Variants in DCC observed in about 807,000 individuals in gnomAD.
DCC encodes the protein netrin receptor DCC.
A neutral mutation model predicts 172.5 loss-of-function variants in DCC; 58 were observed. The ratio of observed to expected loss-of-function variants is 0.34; its 90% confidence interval spans 0.27 to 0.42. DCC has a LOEUF of 0.42. Ranked by LOEUF, DCC falls within the 10% of genes least tolerant of loss-of-function variation. The pLI is 1.00. For synonymous variants in DCC, 709 were observed against 644.5 expected, an observed-to-expected ratio of 1.10 and a Z score of -1.52; for missense variants, 1,740 against 1,791.0, an observed-to-expected ratio of 0.97 and a Z score of 0.51.
chr18:53,361,887 C>G (rs1200723507), intron 15 of DCC, among the ~76,000 whole-genome samples: 1 of 152,022 alleles, frequency 6.6e-6, no homozygotes, highest in Non-Finnish European at 1.5e-5. Context: ...GATGATTTTT[C>G]TTTATGATAA....
At chr18:52,647,316 C>G (rs2035038407) in intron 1 of DCC, among the ~76,000 whole-genome samples, 3 of 152,182 alleles carry the variant, frequency 2.0e-5, no homozygotes. Context: ...ACTAACACTT[C>G]TGTGTATTGG....
At chr18:52,354,112 C>T (rs1307087401) in intron 1 of DCC, among the ~76,000 whole-genome samples, 1 of 152,120 alleles carries the variant, frequency 6.6e-6, no homozygotes, top group African/African-American at 2.4e-5. Flanking sequence ...TTGTTCTGGA[C>T]TTAGTTACTG....
intron 12 of DCC, among the ~76,000 whole-genome samples, chr18:53,230,419 A>T (rs749995241): frequency 2.0e-5 from 3 of 152,092 alleles, no homozygotes; most frequent in Admixed American, 6.6e-5. Flanking sequence ...TAGAAAACAA[A>T]GTTCTCTTTC....
chr18:52,866,153 C>T (rs984307238), intron 2 of DCC, among the ~76,000 whole-genome samples: 7 of 152,122 alleles, frequency 4.6e-5, no homozygotes, highest in African/African-American at 1.7e-4. Flanking sequence ...ATAAGGAATC[C>T]TTTCCGCACT....
chr18:52,897,930 A>G (rs1319132053), intron 2 of DCC, among the ~76,000 whole-genome samples: 1 of 152,236 alleles, frequency 6.6e-6, no homozygotes, highest in Non-Finnish European at 1.5e-5. Flanking sequence ...GCTTCTACCA[A>G]ATGCCCTGCA....
Position 52,623,447 on chromosome 18 carries a change from ATCTT to A in DCC, c.92-128602_92-128599del, listed in dbSNP as rs953359018. On this transcript the variant is annotated intron_variant, in intron 1 of 28. Coordinates refer to ENST00000442544, the MANE Select transcript of DCC (RefSeq NM_005215.4). ...AGCTTGGCATTTGCATTATCAGGAG[ATCTT>A]TCTTCCTTTTTTGTTTCTAAAGTGT... is the stretch of plus-strand genomic sequence containing the variant. Among the ~76,000 whole-genome samples the A allele has an allele frequency of 7.9e-5, 12 of 152,274 alleles. 1 individual carries two copies. The highest frequency in any genetic ancestry group is 7.8e-4 in the Admixed American group (12 of 15,288).
chr18:53,110,290 T>C (rs989321183), intron 7 of DCC, among the ~76,000 whole-genome samples: 1 of 151,754 alleles, frequency 6.6e-6, no homozygotes, highest in African/African-American at 2.4e-5. Context: ...TGTTGACAGA[T>C]AGGCAAAGCC....
chr18:53,225,489 G>A (rs547937603), intron 12 of DCC, among the ~76,000 whole-genome samples: 6 of 152,250 alleles, frequency 3.9e-5, no homozygotes, highest in Non-Finnish European at 7.4e-5. Flanking sequence ...ACAAATGAAT[G>A]GGCACAGACA....
intron 5 of DCC, among the ~76,000 whole-genome samples, chr18:53,032,179 C>T (rs1459667382): frequency 4.6e-5 from 7 of 151,872 alleles, no homozygotes; most frequent in Admixed American, 4.6e-4. Context: ...GATTTAGAAT[C>T]TCCTCAAATA....
At chr18:52,942,538 T>A (rs1169350659) in intron 5 of DCC, among the ~76,000 whole-genome samples, 1 of 152,176 alleles carries the variant, frequency 6.6e-6, no homozygotes, top group Non-Finnish European at 1.5e-5. Context: ...GACTTACAGT[T>A]CCACATGGCT....
chr18:53,177,426 TA>T (rs879816105), intron 8 of DCC, among the ~76,000 whole-genome samples: 7 of 152,206 alleles, frequency 4.6e-5, no homozygotes, highest in Non-Finnish European at 1.0e-4. Flanking sequence ...ATATTTTAAA[TA>T]CTAGCAGTGC....
chr18:52,516,823 T>C (rs1341005963), intron 1 of DCC, among the ~76,000 whole-genome samples: 2 of 152,224 alleles, frequency 1.3e-5, no homozygotes, highest in African/African-American at 4.8e-5. Flanking sequence ...TGTTAAGAAT[T>C]CATTCTACAA....
chr18:53,038,777 C>T (rs1324499326), intron 5 of DCC, among the ~76,000 whole-genome samples: 1 of 151,988 alleles, frequency 6.6e-6, no homozygotes, highest in African/African-American at 2.4e-5. Context: ...AGCCTGGGCT[C>T]TTTTAACACT....
At chr18:53,285,037 C>T (rs1166576313) in intron 12 of DCC, among the ~76,000 whole-genome samples, 1 of 151,992 alleles carries the variant, frequency 6.6e-6, no homozygotes, top group African/African-American at 2.4e-5. Flanking sequence ...CTTGGCTGCT[C>T]TCAAAGGCAT....
chr18:53,013,077 GCTGGCAAGGA>G (rs951321300), intron 5 of DCC, among the ~76,000 whole-genome samples: 59 of 152,266 alleles, frequency 3.9e-4, no homozygotes, highest in African/African-American at 1.4e-3. Flanking sequence ...AATAACAGAT[GCTGGCAAGGA>G]CTCAGAGAAA....
intron 15 of DCC, among the ~76,000 whole-genome samples, chr18:53,351,333 CAGTGTATATATATATACACAGT>C (rs2057796349): frequency 9.4e-5 from 2 of 21,316 alleles, no homozygotes; most frequent in Admixed American, 6.0e-4. Flanking sequence ...TATATATATA[CAGTGTATATATATATACACAGT>C]ATATATATAT....
intron 2 of DCC, among the ~76,000 whole-genome samples, chr18:52,889,419 C>G (rs542948506): frequency 3.9e-5 from 6 of 152,206 alleles, no homozygotes; most frequent in Middle Eastern, 3.4e-3. Context: ...TGACCACATA[C>G]TACTCTAAAT....
At chr18:53,282,128 A>G (rs1287448929) in intron 12 of DCC, among the ~76,000 whole-genome samples, 1 of 152,130 alleles carries the variant, frequency 6.6e-6, no homozygotes, top group East Asian at 1.9e-4. Context: ...TCACATGAGG[A>G]TCCTGTGAGG....
At chr18:53,271,867 T>C (rs2056753260) in intron 12 of DCC, among the ~76,000 whole-genome samples, 1 of 152,162 alleles carries the variant, frequency 6.6e-6, no homozygotes, top group Non-Finnish European at 1.5e-5. Context: ...AGTATTGCTA[T>C]GAAGTAATAA....
Sources: gnomAD v4.1 joint callset for allele counts (sites outside exome capture counted in the v4.1 genomes callset) on GRCh38, gnomAD v4.1.1 for gene constraint, MANE v1.5 for transcripts, NCBI Gene and HGNC (gene_info 2026-07-23, HGNC 2026-07-21) for gene names.